Variants in MYOF observed in about 807,000 individuals in gnomAD.
MYOF encodes the protein myoferlin.
MYOF carries 244 observed loss-of-function variants against 284.2 expected under a neutral mutation model. That is an observed-to-expected ratio of 0.86 (90% CI 0.77 to 0.95). The LOEUF is 0.95. Ranked by LOEUF, MYOF falls within the 40% of genes least tolerant of loss-of-function variation. MYOF has a pLI of 0.00. For missense variants in MYOF, 2,496 were observed against 2,560.6 expected, an observed-to-expected ratio of 0.97 and a Z score of 0.54; for synonymous variants, 904 against 919.7, an observed-to-expected ratio of 0.98 and a Z score of 0.31.
intron 43 of MYOF, 39 bp from the exon 44 acceptor site, chr10:93,329,873 A>T (rs759449867): frequency 6.2e-7 from 1 of 1,605,204 alleles, no homozygotes. Flanking sequence ...TTCATGATCC[A>T]TCTGAGTACC....
intron 19 of MYOF, among the ~76,000 whole-genome samples, chr10:93,384,580 G>T (rs1423364054): frequency 6.6e-6 from 1 of 151,610 alleles, no homozygotes. Flanking sequence ...GGAGGTGGAG[G>T]TTGCAGTGAG....
intron 5 of MYOF, among the ~76,000 whole-genome samples, chr10:93,418,386 A>G (rs941806954): frequency 2.6e-5 from 4 of 152,212 alleles, no homozygotes; most frequent in African/African-American, 9.7e-5. Context: ...TTATAAATAA[A>G]TGTTTGTGTC....
chr10:93,336,168 G>A (rs1315164241), intron 40 of MYOF, 122 bp from the exon 41 acceptor site: 15 of 1,103,738 alleles, frequency 1.4e-5, no homozygotes, highest in South Asian at 1.1e-4. Flanking sequence ...CTCCCAAATC[G>A]CTGGCGGGAG....
At position 93,337,813 on chromosome 10, in the gene MYOF, A is replaced by G; in HGVS notation, c.4437+2T>C. 1 of 1,612,482 alleles carries G rather than the reference A, an allele frequency of 6.2e-7. No individual in the cohort carries two copies. Among genetic ancestry groups the G allele is most frequent in the Non-Finnish European group, 8.5e-7 (1 of 1,178,562 alleles). On this transcript the variant is annotated splice_donor_variant, in intron 40 of 53. Transcript: ENST00000359263. LOFTEE classifies it high-confidence loss of function. ...CACCCATAGCAGCATAGATCCAGGT[A>G]CCTTGAGCTTGGAATAGCCTTTCTG...
Position 93,361,531 on chromosome 10 carries a change from G to T in MYOF, c.2895C>A (p.Ser965Arg). The T allele has an allele frequency of 1.2e-6, 2 of 1,614,154 alleles. No homozygotes were observed. Among genetic ancestry groups the T allele is most frequent in the Non-Finnish European group, 1.7e-6 (2 of 1,180,010 alleles). ...CCCAACCTGGAGGACAAGTCAACTCGCTGGGTGATGCTGCTTTATCGCCGT... is the reference window on the plus strand; with the variant it reads ...CCCAACCTGGAGGACAAGTCAACTCTCTGGGTGATGCTGCTTTATCGCCGT... ...DANGDKAASP[S>R]ELTCPPGWEW... is the part of the protein sequence containing the mutation. The change falls in exon 28 of 54, where the codon AGC becomes AGA. Residue 965 changes from serine to arginine, a missense_variant. Around this residue, in one of 3 missense-constraint regions of MYOF, gnomAD observed 2,436 missense variants for 2,480.7 expected, o/e 0.98. Coordinates refer to ENST00000359263, the MANE Select transcript of MYOF (RefSeq NM_013451.4).
At position 93,374,796 on chromosome 10, in the gene MYOF, G is replaced by A; in HGVS notation, c.2268C>T (p.Asp756=). The part of the protein sequence containing the change: ...DVKSTLAEIE[D]WLDKLMQLTE... ...TCAGCTGCATTAATTTATCAAGCCAGTCCTCAATTTCTGCCAGTGTGGACT... is the reference window on the plus strand; with the variant it reads ...TCAGCTGCATTAATTTATCAAGCCAATCCTCAATTTCTGCCAGTGTGGACT... Residue 756 remains aspartate, a synonymous_variant, in exon 23 of 54, where the codon GAC becomes GAT. Transcript: ENST00000359263. 1.2e-6 allele frequency: 2 copies of A among 1,614,060 alleles called. No individual in the cohort carries two copies. The highest frequency in any genetic ancestry group is 1.7e-6 in the Non-Finnish European group (2 of 1,179,980).
Position 93,323,111 on chromosome 10 carries a change from G to A in MYOF, c.5423C>T (p.Thr1808Ile). 1.2e-6 allele frequency: 2 copies of A among 1,614,096 alleles called. No homozygotes were observed. Among genetic ancestry groups the A allele is most frequent in the Non-Finnish European group, 1.7e-6 (2 of 1,179,934 alleles). ...GTAGATGTCACTCATTTCCTCTCCT[G>A]TGATGCTTTTCTCGTCCAAGATAAC... ...KDVILDEKSI[T>I]GEEMSDIYVK... The change falls in exon 48 of 54, where the codon ACA becomes ATA. Residue 1808 changes from threonine to isoleucine, a missense_variant. This residue lies in a region of MYOF where 2,436 missense variants were observed against 2,480.7 expected (regional missense o/e 0.98). Coordinates refer to ENST00000359263, the MANE Select transcript of MYOF (RefSeq NM_013451.4).
chr10:93,355,136 T>C (rs1441980844), intron 31 of MYOF, among the ~76,000 whole-genome samples: 2 of 152,240 alleles, frequency 1.3e-5, no homozygotes, highest in Non-Finnish European at 2.9e-5. Flanking sequence ...ACCCTTCACC[T>C]TATATGTGAT....
At chr10:93,445,716 C>T (rs189695474) in intron 3 of MYOF, among the ~76,000 whole-genome samples, 162 of 152,264 alleles carry the variant, frequency 1.1e-3, no homozygotes, top group African/African-American at 3.7e-3. Flanking sequence ...CCCAGCTGAC[C>T]GAGGCAGCTG....
intron 19 of MYOF, among the ~76,000 whole-genome samples, chr10:93,387,223 C>G (rs939522195): frequency 6.6e-6 from 1 of 152,300 alleles, no homozygotes; most frequent in Admixed American, 6.5e-5. Flanking sequence ...CCTGGGGCAG[C>G]TGGGGGGCTG....
At chr10:93,414,199 GT>G (rs1338562336) in intron 5 of MYOF, among the ~76,000 whole-genome samples, 11 of 151,806 alleles carry the variant, frequency 7.2e-5, no homozygotes, top group Non-Finnish European at 1.2e-4. Context: ...CTGCCTCTGT[GT>G]GGTCACACAG....
chr10:93,455,093 C>T (rs1489307686), intron 2 of MYOF, among the ~76,000 whole-genome samples: 1 of 150,050 alleles, frequency 6.7e-6, no homozygotes, highest in Non-Finnish European at 1.5e-5. Flanking sequence ...AGTTCGAGAC[C>T]AGCCTGATCA....
At position 93,320,138 on chromosome 10, in the gene MYOF, G is replaced by C. The variant is rs989934078; in HGVS notation, c.5457-125C>G. ...ATGCACTTTTCTTGGGCAGATTCCAGTTATCTTCGGAGCTGGGGGTGATTT... is the reference window on the plus strand; with the variant it reads ...ATGCACTTTTCTTGGGCAGATTCCACTTATCTTCGGAGCTGGGGGTGATTT... On this transcript the variant is annotated intron_variant, in intron 48 of 53. Coordinates refer to ENST00000359263, the MANE Select transcript of MYOF (RefSeq NM_013451.4). The C allele has an allele frequency of 2.6e-6, 3 of 1,135,924 alleles. No individual in the cohort carries two copies. In the Admixed American group the frequency reaches 6.5e-5, roughly 25 times the overall value. 70.4% of individuals were successfully genotyped at this position (1,135,924 alleles called of 1,614,324 possible).
At chr10:93,455,646 G>T (rs2056727952) in intron 2 of MYOF, among the ~76,000 whole-genome samples, 1 of 152,072 alleles carries the variant, frequency 6.6e-6, no homozygotes, top group Admixed American at 6.6e-5. Flanking sequence ...ACCTGAGGGA[G>T]ACCCTATCTC....
chr10:93,347,637 T>TCCTC lies in MYOF; in HGVS notation c.4225_4228dup (p.Asp1410GlyfsTer34). 1 of 1,612,828 alleles carries TCCTC rather than the reference T, an allele frequency of 6.2e-7. No homozygotes were observed. The highest frequency in any genetic ancestry group is 1.1e-5 in the South Asian group (1 of 91,018). On this transcript the variant is annotated frameshift_variant, in exon 37 of 54. Transcript: ENST00000359263. LOFTEE classifies it high-confidence loss of function. ...GTTACCTTTGAGCTGTGGGACGATG[T>TCCTC]CCTCTTTCCCTGCATAAGGGTCACA...
At chr10:93,313,822 G>T (rs1842495858) in intron 50 of MYOF, among the ~76,000 whole-genome samples, 1 of 152,036 alleles carries the variant, frequency 6.6e-6, no homozygotes, top group Non-Finnish European at 1.5e-5. Flanking sequence ...AATCGCGTGA[G>T]CCCAGGAGGC....
At chr10:93,381,853 AT>A (rs1183189384) in intron 19 of MYOF, among the ~76,000 whole-genome samples, 5 of 152,160 alleles carry the variant, frequency 3.3e-5, no homozygotes, top group African/African-American at 1.2e-4. Context: ...CCTGGCCAAC[AT>A]GGTGAAACCC....
At chr10:93,348,020 GCCC>G (rs1844315927) in intron 36 of MYOF, among the ~76,000 whole-genome samples, 1 of 152,144 alleles carries the variant, frequency 6.6e-6, no homozygotes, top group Non-Finnish European at 1.5e-5. Flanking sequence ...ACCCTTCCAT[GCCC>G]CCATTATTTC....
At chr10:93,319,596 T>A (rs559336315) in intron 49 of MYOF, among the ~76,000 whole-genome samples, 1 of 152,144 alleles carries the variant, frequency 6.6e-6, no homozygotes, top group African/African-American at 2.4e-5. Context: ...TTTATACTAA[T>A]ACAAAACCGT....
Sources: allele counts gnomAD v4.1 joint callset (sites outside exome capture counted in the v4.1 genomes callset), GRCh38; gene constraint gnomAD v4.1.1; regional missense constraint gnomAD v4.1.1; transcripts MANE v1.5; gene names NCBI Gene and HGNC (gene_info 2026-07-23, HGNC 2026-07-21).